MYL1: variants seen among roughly 807,000 people sequenced by gnomAD.
The protein encoded by MYL1 is myosin light chain 1.
MYL1 carries 16 observed loss-of-function variants against 21.8 expected under a neutral mutation model. That is an observed-to-expected ratio of 0.74 (90% CI 0.50 to 1.12). The LOEUF is 1.12. Ranked by LOEUF, MYL1 falls within the 50% of genes most tolerant of loss-of-function variation. The pLI is 0.00. For missense variants in MYL1, 246 were observed against 241.0 expected (o/e 1.02, Z -0.14); for synonymous variants, 99 against 85.2 (o/e 1.16, Z -0.89).
intron 2 of MYL1, among the ~76,000 whole-genome samples, chr2:210,301,403 T>A (rs1690263494): frequency 6.6e-6 from 1 of 152,132 alleles, no homozygotes; most frequent in Admixed American, 6.6e-5. Context: ...AAATATGAAC[T>A]ATTTCAGATG....
chr2:210,309,657 G>C (rs1690389578), intron 1 of MYL1, among the ~76,000 whole-genome samples: 1 of 151,980 alleles, frequency 6.6e-6, no homozygotes, highest in African/African-American at 2.4e-5. Context: ...AGTCTGAAGA[G>C]CAGCAGAAGA....
At position 210,306,888 on chromosome 2, in the gene MYL1, ATG is replaced by A. The variant is rs540781536; in HGVS notation, c.133-4375_133-4374del. ...CTTCTCTCTCTTCCTTGGGGTTATC[ATG>A]ATGGGGTAATCAGTCCTTTGAACAA... On this transcript the variant is annotated intron_variant, in intron 1 of 6. Transcript: ENST00000352451. Among the ~76,000 whole-genome samples the A allele has an allele frequency of 4.3e-3, 657 of 152,144 alleles. 7 individuals are homozygous for A. The highest frequency in any genetic ancestry group is 0.015 in the African/African-American group (623 of 41,480).
intron 2 of MYL1, among the ~76,000 whole-genome samples, chr2:210,301,984 T>C (rs1237888883): frequency 6.6e-6 from 1 of 152,168 alleles, no homozygotes; most frequent in East Asian, 1.9e-4. Flanking sequence ...TACAGTTCTA[T>C]GATAAATTAA....
intron 1 of MYL1, among the ~76,000 whole-genome samples, chr2:210,304,026 G>T (rs1428193256): frequency 6.6e-6 from 1 of 152,128 alleles, no homozygotes; most frequent in African/African-American, 2.4e-5. Context: ...CTGGTTTGGG[G>T]TTTCAAATGG....
In MYL1 at chr2:210,314,977, C is replaced by T. The variant is rs370260390; in HGVS notation, c.66G>A (p.Pro22=). The change falls in exon 1 of 7, where the codon CCG becomes CCA. Residue 22 remains proline, a synonymous_variant. Coordinates refer to ENST00000352451, the MANE Select transcript of MYL1 (RefSeq NM_079420.3). The part of the protein sequence containing the change: ...AAAAAAPAPA[P]APAPAPAPAK... ...CTGGGGCAGGGGCAGGTGCAGGTGC[C>T]GGTGCCGGGGCTGGGGCAGCCGCAG... 2.7e-5 allele frequency: 44 copies of T among 1,612,112 alleles called. No homozygotes were observed. Among genetic ancestry groups the T allele is most frequent in the South Asian group, 2.0e-4 (18 of 90,908 alleles).
chr2:210,290,897 A>T (rs913661885), intron 6 of MYL1, 135 bp downstream of exon 6: 2 of 496,294 alleles, frequency 4.0e-6, no homozygotes, highest in Non-Finnish European at 7.0e-6. Flanking sequence ...CAAGGCATTA[A>T]TATTTTCTAA....
intron 5 of MYL1, among the ~76,000 whole-genome samples, chr2:210,292,769 T>C (rs1005353708): frequency 1.3e-4 from 20 of 152,238 alleles, no homozygotes; most frequent in Non-Finnish European, 2.9e-4. Flanking sequence ...ACATTTCACA[T>C]GTAAATTATT....
intron 3 of MYL1, 66 bp downstream of exon 3, chr2:210,298,354 A>G (rs1575703556): frequency 6.4e-7 from 1 of 1,561,312 alleles, no homozygotes; most frequent in Non-Finnish European, 8.8e-7. Flanking sequence ...ACACACACAC[A>G]CACACACACA....
chr2:210,311,671 A>G (rs1015361072), intron 1 of MYL1, among the ~76,000 whole-genome samples: 2 of 152,030 alleles, frequency 1.3e-5, no homozygotes, highest in African/African-American at 2.4e-5. Context: ...GTACATGGTT[A>G]TGTTATTACT....
At chr2:210,293,923 A>G in intron 4 of MYL1, 123 bp from the exon 5 acceptor site, 1 of 828,416 alleles carries the variant, frequency 1.2e-6, no homozygotes, top group South Asian at 1.6e-5. Context: ...TGACTTTCCC[A>G]TTCTTTTGGT....
chr2:210,314,285 T>G (rs1660093878), intron 1 of MYL1, among the ~76,000 whole-genome samples: 1 of 152,198 alleles, frequency 6.6e-6, no homozygotes, highest in African/African-American at 2.4e-5. Flanking sequence ...TTAAATACTG[T>G]GTATAAATAA....
At chr2:210,291,638 A>C (rs1690077291) in intron 5 of MYL1, among the ~76,000 whole-genome samples, 1 of 152,142 alleles carries the variant, frequency 6.6e-6, no homozygotes, top group East Asian at 1.9e-4. Context: ...TTTTTCAATT[A>C]ATAATTTATC....
chr2:210,291,016 G>T lies in MYL1; in HGVS notation c.*14+16C>A. 6.5e-7 allele frequency: 1 copy of T among 1,545,414 alleles called. No homozygotes were observed. The highest frequency in any genetic ancestry group is 8.8e-7 in the Non-Finnish European group (1 of 1,136,290). On this transcript the variant is annotated intron_variant, in intron 6 of 6. Coordinates refer to ENST00000352451, the MANE Select transcript of MYL1 (RefSeq NM_079420.3). ...TCAAGAAATCCTTAAATATTAAAGAGGGAACTGGTATATACCTTGAGAGCT... is the reference window on the plus strand; with the variant it reads ...TCAAGAAATCCTTAAATATTAAAGATGGAACTGGTATATACCTTGAGAGCT...
At chr2:210,313,116 A>T (rs545890815) in intron 1 of MYL1, among the ~76,000 whole-genome samples, 25 of 152,086 alleles carry the variant, frequency 1.6e-4, no homozygotes, top group Non-Finnish European at 3.1e-4. Context: ...GAGATCTCTC[A>T]CCTGCCAAAC....
intron 6 of MYL1, 108 bp downstream of exon 6, chr2:210,290,923 CG>C: frequency 1.8e-6 from 1 of 566,330 alleles, no homozygotes; most frequent in Non-Finnish European, 3.0e-6. Flanking sequence ...ATAAATATCT[CG>C]TAATTAAGAA....
At chr2:210,301,156 T>C (rs544976801) in intron 2 of MYL1, among the ~76,000 whole-genome samples, 4 of 152,272 alleles carry the variant, frequency 2.6e-5, no homozygotes, top group African/African-American at 9.6e-5. Context: ...AGGACTGGGA[T>C]GCAGTAGGTG....
At chr2:210,303,602 T>G (rs1386522976) in intron 1 of MYL1, 3 of 1,599,822 alleles carry the variant, frequency 1.9e-6, no homozygotes, top group Non-Finnish European at 2.6e-6. Flanking sequence ...TGAGGGCTGC[T>G]CCGGTCCCTG....
At chr2:210,296,602 T>C (rs574533577) in intron 3 of MYL1, among the ~76,000 whole-genome samples, 28 of 152,196 alleles carry the variant, frequency 1.8e-4, no homozygotes, top group African/African-American at 6.5e-4. Flanking sequence ...CTGGGCAACA[T>C]GGCAAGGTCC....
intron 2 of MYL1, among the ~76,000 whole-genome samples, chr2:210,299,644 G>GAAA (rs1690233810): frequency 2.0e-5 from 3 of 152,028 alleles, no homozygotes; most frequent in Non-Finnish European, 2.9e-5. Flanking sequence ...CAAAATTATA[G>GAAA]TGACAAAAAA....
Sources: allele counts gnomAD v4.1 joint callset (sites outside exome capture counted in the v4.1 genomes callset), GRCh38; gene constraint gnomAD v4.1.1; transcripts MANE v1.5; gene names NCBI Gene and HGNC (gene_info 2026-07-23, HGNC 2026-07-21).